DNAH17: variants seen among roughly 807,000 people sequenced by gnomAD.
DNAH17 encodes dynein axonemal heavy chain 17.
A neutral mutation model predicts 485.6 loss-of-function variants in DNAH17; 376 were observed. The ratio of observed to expected loss-of-function variants is 0.77; its 90% CI spans 0.71 to 0.84. The LOEUF is 0.84. DNAH17 is among the 40% of genes least tolerant of loss of function. DNAH17 has a pLI of 0.00. For synonymous variants in DNAH17, 3,031 were observed against 2,405.9 expected (o/e 1.26, Z -7.60); for missense variants, 6,370 against 5,839.3 (o/e 1.09, Z -2.96).
chr17:78,495,061 T>C lies in DNAH17; in HGVS notation c.5940A>G (p.Ile1980Met), dbSNP rs1469192581. Residue 1980 changes from isoleucine to methionine, a missense_variant, in exon 39 of 81, where the codon ATA becomes ATG. Ile to Met is a conservative substitution (Grantham distance 10). Coordinates refer to ENST00000389840, the MANE Select transcript of DNAH17 (RefSeq NM_173628.4). ...CAMVVPDFELICEIMLMAEGF... is the reference protein window; with the variant it reads ...CAMVVPDFELMCEIMLMAEGF... ...CCTCGGCCATGAGCATGATCTCACA[T>C]ATCAGTTCGAAGTCGGGGACGACCA... The C allele has an allele frequency of 5.6e-6, 9 of 1,611,082 alleles. No individual in the cohort carries two copies. In the Admixed American group the frequency reaches 1.5e-4, roughly 27 times the overall value.
chr17:78,461,887 C>T (rs1279100666), intron 57 of DNAH17, among the ~76,000 whole-genome samples, 179 bp from the exon 58 acceptor site: 1 of 152,098 alleles, frequency 6.6e-6, no homozygotes, highest in East Asian at 1.9e-4. Flanking sequence ...GTTATAAACC[C>T]TGACTGCGTA....
At chr17:78,521,880 G>C (rs551814355) in intron 25 of DNAH17, among the ~76,000 whole-genome samples, 1 of 152,182 alleles carries the variant, frequency 6.6e-6, no homozygotes, top group East Asian at 1.9e-4. Context: ...CCAGCTGCTC[G>C]GGAGGCTGAG....
intron 15 of DNAH17, among the ~76,000 whole-genome samples, chr17:78,552,088 G>A (rs1311472875): frequency 6.6e-6 from 1 of 152,162 alleles, no homozygotes; most frequent in Non-Finnish European, 1.5e-5. Flanking sequence ...AGAAATCGCT[G>A]GGCGTTCTCT....
chr17:78,478,212 CCAT>C (rs1457433120), intron 51 of DNAH17, among the ~76,000 whole-genome samples: 256 of 88,370 alleles, frequency 2.9e-3, no homozygotes, highest in African/African-American at 0.012. Flanking sequence ...ACCACCACCA[CCAT>C]CATCACCACA....
At chr17:78,465,625 C>G (rs1318967678) in intron 56 of DNAH17, among the ~76,000 whole-genome samples, 3 of 151,290 alleles carry the variant, frequency 2.0e-5, no homozygotes, top group African/African-American at 7.3e-5. Context: ...GGCCGAGACC[C>G]CGTCTGGGAG....
chr17:78,454,632 T>C lies in DNAH17; in HGVS notation c.10244A>G (p.Asn3415Ser), dbSNP rs532639030. Residue 3415 changes from asparagine (N) to serine (S), a missense_variant, in exon 64 of 81, where the codon AAC (asparagine) becomes AGC (serine). Physicochemically the swap from Asn to Ser is conservative, Grantham distance 46. Transcript: ENST00000389840. ...LTDDADVATW[N>S]NQGLPSDRMS... is the part of the protein sequence containing the mutation. ...GCGGTCGCTGGGGAGGCCCTGGTTGTTCCAGGTGGCCACGTCCGCGTCATC... is the reference window on the plus strand; with the variant it reads ...GCGGTCGCTGGGGAGGCCCTGGTTGCTCCAGGTGGCCACGTCCGCGTCATC... 1 of 1,613,198 alleles carries C rather than the reference T, an allele frequency of 6.2e-7. No homozygotes were observed. Among genetic ancestry groups the C allele is most frequent in the Non-Finnish European group, 8.5e-7 (1 of 1,179,882 alleles).
intron 49 of DNAH17, 135 bp from the exon 50 acceptor site, chr17:78,479,767 C>T (rs1598536595): frequency 2.5e-6 from 3 of 1,219,710 alleles, no homozygotes; most frequent in Non-Finnish European, 2.3e-6. Flanking sequence ...TGGGCAGTTA[C>T]CCTCCTTGTG....
Position 78,543,899 on chromosome 17 carries a change from T to C in DNAH17, c.2490A>G (p.Ala830=), listed in dbSNP as rs766181652. ...GRIANLNKRY[A]AVRDAGVKIQ... is the part of the protein sequence containing the mutation. ...TCTTCACTCCAGCATCCCTGACTGC[T>C]GCGTAGCGCTTGTTGAGGTTGGCAA... Residue 830 remains alanine, a synonymous_variant, in exon 17 of 81, where the codon GCA becomes GCG. Coordinates refer to ENST00000389840, the MANE Select transcript of DNAH17 (RefSeq NM_173628.4). 13 of 1,613,960 alleles carry C rather than the reference T, an allele frequency of 8.1e-6. No individual in the cohort carries two copies. In the Admixed American group the frequency reaches 2.2e-4, roughly 27 times the overall value.
chr17:78,492,366 C>G (rs895896884), intron 42 of DNAH17, among the ~76,000 whole-genome samples: 1 of 152,308 alleles, frequency 6.6e-6, no homozygotes. Flanking sequence ...TTGCTCTGCC[C>G]TCTCCCCTTG....
At chr17:78,452,364 G>A (rs1015550470) in intron 65 of DNAH17, among the ~76,000 whole-genome samples, 3 of 152,132 alleles carry the variant, frequency 2.0e-5, no homozygotes, top group Admixed American at 1.3e-4. Context: ...CAATGCGCCC[G>A]GCCACACGTG....
intron 53 of DNAH17, 75 bp from the exon 54 acceptor site, chr17:78,475,544 C>A: frequency 6.2e-7 from 1 of 1,607,144 alleles, no homozygotes; most frequent in African/African-American, 1.3e-5. Context: ...GGACTCTGCA[C>A]ATGCTGAGGT....
Position 78,444,704 on chromosome 17 carries a change from C to CG in DNAH17, c.11427dup (p.Glu3810ArgfsTer52). On this transcript the variant is annotated frameshift_variant, in exon 71 of 81. Transcript: ENST00000389840. LOFTEE classifies it high-confidence loss of function. ...CACTCCTTGGGGAAGATCTCCTTCT[C>CG]GGGGGCTTCCGACTCCACCAGCTTT... 2 of 1,608,772 alleles carry CG rather than the reference C, an allele frequency of 1.2e-6. No individual in the cohort carries two copies. The highest frequency in any genetic ancestry group is 8.5e-7 in the Non-Finnish European group (1 of 1,178,342).
chr17:78,545,826 CTA>C (rs371131869), intron 16 of DNAH17, among the ~76,000 whole-genome samples: 2 of 152,062 alleles, frequency 1.3e-5, no homozygotes, highest in African/African-American at 4.8e-5. Flanking sequence ...TTTAGGACAA[CTA>C]TAATTTTTAT....
At chr17:78,498,660 T>C (rs538144611) in intron 37 of DNAH17, among the ~76,000 whole-genome samples, 7 of 152,334 alleles carry the variant, frequency 4.6e-5, no homozygotes, top group Admixed American at 3.9e-4. Flanking sequence ...CCCTCCTTTC[T>C]TTCTTTCCTG....
At chr17:78,490,214 C>T (rs980584780) in intron 44 of DNAH17, 3 of 155,416 alleles carry the variant, frequency 1.9e-5, no homozygotes, top group Admixed American at 1.3e-4. Flanking sequence ...GGCCCAGCAT[C>T]AGCGCCTTCC....
At position 78,450,698 on chromosome 17, in the gene DNAH17, C is replaced by T. The variant is rs375287829; in HGVS notation, c.10883G>A (p.Ser3628Asn). 12 of 1,613,548 alleles carry T rather than the reference C, an allele frequency of 7.4e-6. No individual in the cohort carries two copies. The highest frequency in any genetic ancestry group is 1.7e-4 in the Middle Eastern group (1 of 5,948). The change falls in exon 67 of 81, where the codon AGC becomes AAC. Residue 3628 changes from serine (S) to asparagine (N), a missense_variant. Ser to Asn is a conservative substitution (Grantham distance 46, BLOSUM62 1). Coordinates refer to ENST00000389840, the MANE Select transcript of DNAH17 (RefSeq NM_173628.4). ...ENLETTKHTA[S>N]EIEEKVVEAK... The stretch of plus-strand genomic sequence containing the variant: ...AGCTCTGACCTTCTCCTCGATCTCG[C>T]TGGCTGTGTGCTTGGTGGTCTCCAG...
At position 78,561,733 on chromosome 17, in the gene DNAH17, A is replaced by G. The variant is rs1269835014; in HGVS notation, c.1817T>C (p.Leu606Pro). 6.2e-7 allele frequency: 1 copy of G among 1,610,314 alleles called. No homozygotes were observed. Among genetic ancestry groups the G allele is most frequent in the Non-Finnish European group, 8.5e-7 (1 of 1,177,892 alleles). ...QERLEVSMKH[L>P]KHVEHPVMSG... Reference sequence around the variant, plus strand: ...GACTCACGGGTGTTCGACGTGCTTCAGGTGTTTCATGGACACCTCTAGCCT... The same window carrying G: ...GACTCACGGGTGTTCGACGTGCTTCGGGTGTTTCATGGACACCTCTAGCCT... The change falls in exon 12 of 81, where the codon CTG (leucine) becomes CCG (proline). Residue 606 changes from leucine (L) to proline (P), a missense_variant. Physicochemically the swap from Leu to Pro is moderately conservative, Grantham distance 98 (BLOSUM62 -3). Transcript: ENST00000389840.
intron 21 of DNAH17, 109 bp from the exon 22 acceptor site, chr17:78,529,803 C>T (rs527486158): frequency 1.9e-5 from 21 of 1,120,734 alleles, no homozygotes; most frequent in Non-Finnish European, 2.5e-5. Flanking sequence ...AACTGGCCAT[C>T]ACTGAAGGCC....
At chr17:78,458,351 T>C in intron 62 of DNAH17, 1 of 575,432 alleles carries the variant, frequency 1.7e-6, no homozygotes, top group East Asian at 3.0e-5. Context: ...CAGTGTGGGT[T>C]ACTTGGAACC....
Sources: gnomAD v4.1 joint callset for allele counts (sites outside exome capture counted in the v4.1 genomes callset) on GRCh38, gnomAD v4.1.1 for gene constraint, MANE v1.5 for transcripts, NCBI Gene and HGNC (gene_info 2026-07-23, HGNC 2026-07-21) for gene names.